Variants in CXXC5 observed in about 807,000 individuals in gnomAD.
CXXC5 encodes CXXC-type zinc finger protein 5.
CXXC5 carries 2 observed loss-of-function variants against 17.6 expected under a neutral mutation model. That is an observed-to-expected ratio of 0.11 (90% CI 0.05 to 0.36). The LOEUF (loss-of-function observed/expected upper bound fraction) is 0.36, where lower values mean the gene tolerates loss of function less well. Ranked by LOEUF, CXXC5 falls within the 10% of genes least tolerant of loss-of-function variation. CXXC5 has a pLI of 1.00. For missense variants in CXXC5, 343 were observed against 458.3 expected, an observed-to-expected ratio of 0.75 and a Z score of 2.30; for synonymous variants, 171 against 193.0, an observed-to-expected ratio of 0.89 and a Z score of 0.94.
chr5:139,649,574 G>A (rs1428919137), intron 1 of CXXC5: 1 of 151,826 alleles, frequency 6.6e-6, no homozygotes, highest in Non-Finnish European at 1.5e-5. Flanking sequence ...GCGGGCTGAT[G>A]AAGTTTGACC....
chr5:139,666,516 G>A (rs1460367686), intron 1 of CXXC5, among the ~76,000 whole-genome samples: 1 of 152,218 alleles, frequency 6.6e-6, no homozygotes, highest in Non-Finnish European at 1.5e-5. Flanking sequence ...TGTGGTCTTT[G>A]TCCAGACAGG....
At chr5:139,651,049 C>G (rs1047747711) in intron 1 of CXXC5, 1 of 152,226 alleles carries the variant, frequency 6.6e-6, no homozygotes, top group Non-Finnish European at 1.5e-5. Flanking sequence ...AGTTCCCAGC[C>G]AGCCCCCGGA....
chr5:139,678,595 G>A (rs559911723), intron 1 of CXXC5, among the ~76,000 whole-genome samples: 5 of 152,264 alleles, frequency 3.3e-5, no homozygotes, highest in African/African-American at 9.6e-5. Flanking sequence ...CCCCACACCC[G>A]GTCCTCTTTG....
intron 1 of CXXC5, among the ~76,000 whole-genome samples, chr5:139,673,707 T>C (rs1223409149): frequency 6.6e-6 from 1 of 151,888 alleles, no homozygotes; most frequent in Non-Finnish European, 1.5e-5. Context: ...CCAGGTGTGG[T>C]GGTGTGCGCC....
chr5:139,677,321 C>G (rs1756903746), intron 1 of CXXC5, among the ~76,000 whole-genome samples: 1 of 152,038 alleles, frequency 6.6e-6, no homozygotes, highest in Non-Finnish European at 1.5e-5. Flanking sequence ...CCCTTCCTGG[C>G]CTGGAAGGGG....
intron 1 of CXXC5, among the ~76,000 whole-genome samples, chr5:139,673,322 C>CA (rs1756582740): frequency 6.6e-6 from 1 of 151,888 alleles, no homozygotes; most frequent in Admixed American, 6.6e-5. Flanking sequence ...TTCCCAAGGT[C>CA]AAAAAATGGG....
Position 139,681,207 on chromosome 5 carries a change from G to C in CXXC5, c.684G>C (p.Val228=). Residue 228 remains valine, a synonymous_variant, in exon 2 of 3, where the codon GTG becomes GTC. Coordinates refer to ENST00000302517, the MANE Select transcript of CXXC5 (RefSeq NM_016463.9). The part of the protein sequence containing the change: ...PGLFIMTPAG[V]FLAESALHMA... ...TCTTCATTATGACCCCGGCAGGTGT[G>C]TTCCTGGCCGAGAGCGCGCTGCACA... The C allele has an allele frequency of 1.2e-6, 2 of 1,612,818 alleles. No homozygotes were observed. Among genetic ancestry groups the C allele is most frequent in the Non-Finnish European group, 1.7e-6 (2 of 1,179,902 alleles).
At chr5:139,667,670 T>C (rs1284598003) in intron 1 of CXXC5, among the ~76,000 whole-genome samples, 1 of 152,084 alleles carries the variant, frequency 6.6e-6, no homozygotes, top group African/African-American at 2.4e-5. Flanking sequence ...GAATAGTCAG[T>C]CCTGTGCTCT....
Position 139,683,050 on chromosome 5 carries a change from A to G in CXXC5, c.*143A>G, listed in dbSNP as rs771314484. On this transcript the variant is annotated 3_prime_UTR_variant, in exon 3 of 3. Transcript: ENST00000302517. ...TCACAGATTTCATTCCTGTTTTTATATATATATTTTTTGTTGTCGTTTTAA... is the reference window on the plus strand; with the variant it reads ...TCACAGATTTCATTCCTGTTTTTATGTATATATTTTTTGTTGTCGTTTTAA... The G allele has an allele frequency of 1.3e-4, 79 of 630,434 alleles. No homozygotes were observed. The highest frequency in any genetic ancestry group is 1.7e-4 in the Non-Finnish European group (72 of 427,458). 39.1% of individuals were successfully genotyped at this position (630,434 alleles called of 1,614,324 possible).
At chr5:139,650,406 C>G (rs959269892) in intron 1 of CXXC5, among the ~76,000 whole-genome samples, 11 of 152,222 alleles carry the variant, frequency 7.2e-5, no homozygotes, top group Admixed American at 2.0e-4. Context: ...CCTGTCCCCC[C>G]CACCCCCGCA....
Position 139,680,959 on chromosome 5 carries a change from A to T in CXXC5, c.436A>T (p.Ser146Cys). ...HKSGAVASLL[S>C]KAERATELAA... Reference sequence around the variant, plus strand: ...AAGTGGTGCTGTGGCCAGCCTGCTGAGCAAGGCAGAGCGGGCCACGGAGCT... The same window carrying T: ...AAGTGGTGCTGTGGCCAGCCTGCTGTGCAAGGCAGAGCGGGCCACGGAGCT... Residue 146 changes from serine to cysteine, a missense_variant, in exon 2 of 3, where the codon AGC becomes TGC. Transcript: ENST00000302517. 1 of 1,601,876 alleles carries T rather than the reference A, an allele frequency of 6.2e-7. No individual in the cohort carries two copies. Among genetic ancestry groups the T allele is most frequent in the South Asian group, 1.1e-5 (1 of 91,090 alleles).
chr5:139,647,372 A>T (rs1291467755), upstream of CXXC5: 1 of 152,128 alleles, frequency 6.6e-6, no homozygotes, highest in Non-Finnish European at 1.5e-5. Flanking sequence ...AAAGAATTGG[A>T]GAAAACTTCC....
At position 139,682,947 on chromosome 5, in the gene CXXC5, A is replaced by G; in HGVS notation, c.*40A>G. On this transcript the variant is annotated 3_prime_UTR_variant, in exon 3 of 3. Coordinates refer to ENST00000302517, the MANE Select transcript of CXXC5 (RefSeq NM_016463.9). ...AAAGCTGCCCTCTCCGTGCAATGTC[A>G]CTGCTCGTGTGGTCTCCAGCAAGGG... 6.5e-7 allele frequency: 1 copy of G among 1,547,120 alleles called. No individual in the cohort carries two copies. The highest frequency in any genetic ancestry group is 8.8e-7 in the Non-Finnish European group (1 of 1,139,070).
intron 1 of CXXC5, among the ~76,000 whole-genome samples, chr5:139,662,699 G>A (rs1755889254): frequency 6.6e-6 from 1 of 152,212 alleles, no homozygotes; most frequent in East Asian, 1.9e-4. Flanking sequence ...AGCATCCTGA[G>A]GGACACAAAC....
rs769371405 is a variant in CXXC5, at chr5:139,682,994, T to C, written c.*87T>C. 88 of 1,218,948 alleles carry C rather than the reference T, an allele frequency of 7.2e-5. No individual in the cohort carries two copies. The highest frequency in any genetic ancestry group is 9.2e-5 in the Non-Finnish European group (84 of 908,602). The allele number at this position is 1,218,948 out of a possible 1,614,324, so 75.5% of individuals were successfully genotyped here. A position where few individuals can be genotyped will look rare whatever the true frequency, so the allele number is the denominator to read the frequency against. ...AGGGATTCGGGCGAAGACAAACGGATGCACCCGTCTTTAGAACCAAAAATA... is the reference window on the plus strand; with the variant it reads ...AGGGATTCGGGCGAAGACAAACGGACGCACCCGTCTTTAGAACCAAAAATA... On this transcript the variant is annotated 3_prime_UTR_variant, in exon 3 of 3. Coordinates refer to ENST00000302517, the MANE Select transcript of CXXC5 (RefSeq NM_016463.9).
chr5:139,662,104 G>A (rs1033839757), intron 1 of CXXC5, among the ~76,000 whole-genome samples: 1 of 152,080 alleles, frequency 6.6e-6, no homozygotes, highest in African/African-American at 2.4e-5. Flanking sequence ...TGCCAGAGAT[G>A]GGGGGAAGAA....
intron 1 of CXXC5, among the ~76,000 whole-genome samples, chr5:139,660,684 C>T (rs1450725038): frequency 1.3e-5 from 2 of 149,994 alleles, no homozygotes; most frequent in Non-Finnish European, 3.0e-5. Flanking sequence ...CCCCTCTACC[C>T]TCATGTGGGT....
chr5:139,647,354 C>G (rs955478904), upstream of CXXC5: 2 of 152,138 alleles, frequency 1.3e-5, no homozygotes, highest in Non-Finnish European at 2.9e-5. Flanking sequence ...TCCGCCCCCA[C>G]GAATCCCAAA....
chr5:139,659,298 A>T (rs1755654141), intron 1 of CXXC5, among the ~76,000 whole-genome samples: 1 of 152,166 alleles, frequency 6.6e-6, no homozygotes, highest in East Asian at 1.9e-4. Flanking sequence ...CGCGGTGTCC[A>T]GCGGAAAATC....
Sources: allele counts gnomAD v4.1 joint callset (sites outside exome capture counted in the v4.1 genomes callset), GRCh38; gene constraint gnomAD v4.1.1; transcripts MANE v1.5; gene names NCBI Gene and HGNC (gene_info 2026-07-23, HGNC 2026-07-21).